Variants in MEGF11 observed in about 807,000 individuals in gnomAD.
The protein encoded by MEGF11 is multiple EGF like domains 11, also known as multiple epidermal growth factor-like domains protein 11.
In MEGF11, 126 loss-of-function variants were observed where a neutral mutation model predicts 146.6. The observed-to-expected ratio is 0.86, with a 90% CI of 0.74 to 1.00. MEGF11 has a LOEUF of 1.00. Among genes scored for constraint, MEGF11 ranks in the 50% least tolerant of loss-of-function variants. MEGF11 has a pLI of 0.00. For missense variants in MEGF11, 1,509 were observed against 1,521.2 expected (o/e 0.99, Z 0.13); for synonymous variants, 532 against 583.4 (o/e 0.91, Z 1.27).
rs752717874 is a variant in MEGF11 at position 66,123,922 on chromosome 15, G to A, written c.177C>T (p.Asn59=). 10 of 1,613,846 alleles carry A rather than the reference G, an allele frequency of 6.2e-6. No homozygotes were observed. The South Asian group carries it at 6.6e-5, about 11-fold the overall frequency. Residue 59 remains asparagine, a synonymous_variant, in exon 3 of 26, where the codon AAC becomes AAT. Transcript: ENST00000395614. The stretch of plus-strand genomic sequence containing the variant: ...ACCGGTGCCTGGTGCACTTGAACCA[G>A]TTGAGGATGTCTGTGCATCGTGTGT... ...IYYTRCTDIL[N]WFKCTRHRIS... is the part of the protein sequence containing the mutation.
Position 65,916,177 on chromosome 15 carries a change from G to T in MEGF11, c.2315C>A (p.Thr772Lys). 6.3e-7 allele frequency: 1 copy of T among 1,587,344 alleles called. No homozygotes were observed. Among genetic ancestry groups the T allele is most frequent in the African/African-American group, 1.3e-5 (1 of 74,572 alleles). ...DHISGKCTCR[T>K]GFTGQHCEQR... The stretch of plus-strand genomic sequence containing the variant: ...CTCACAGTGTTGCCCGGTGAAGCCT[G>T]TGCGGCAGGTGCACTTGCCACTGAT... The change falls in exon 18 of 26, where the codon ACA (threonine) becomes AAA (lysine). Residue 772 changes from threonine to lysine, a missense_variant. Transcript: ENST00000395614.
intron 13 of MEGF11, among the ~76,000 whole-genome samples, chr15:65,924,782 C>A (rs745670029): frequency 6.6e-6 from 1 of 152,092 alleles, no homozygotes; most frequent in Non-Finnish European, 1.5e-5. Context: ...TAAGCCACCA[C>A]CACAGCTGGC....
intron 9 of MEGF11, among the ~76,000 whole-genome samples, chr15:65,960,029 T>TA (rs2080801841): frequency 6.6e-6 from 1 of 152,224 alleles, no homozygotes; most frequent in African/African-American, 2.4e-5. Context: ...TGTTTAATGA[T>TA]ATAAGGTCAA....
intron 1 of MEGF11, among the ~76,000 whole-genome samples, chr15:66,179,540 G>T (rs565146601): frequency 6.6e-6 from 1 of 152,114 alleles, no homozygotes; most frequent in South Asian, 2.1e-4. Flanking sequence ...GTGAAGCTCT[G>T]AATCTCCATT....
intron 10 of MEGF11, among the ~76,000 whole-genome samples, chr15:65,956,278 T>A (rs2080635223): frequency 6.6e-6 from 1 of 152,162 alleles, no homozygotes; most frequent in Non-Finnish European, 1.5e-5. Context: ...ACTTGGGAGC[T>A]TGTTAGAAAT....
intron 5 of MEGF11, among the ~76,000 whole-genome samples, chr15:66,069,528 G>A (rs970307718): frequency 9.2e-5 from 14 of 152,166 alleles, no homozygotes; most frequent in Admixed American, 7.9e-4. Flanking sequence ...AGGTAAAGAA[G>A]GTCATATTAC....
At chr15:66,157,524 G>T (rs1224838870) in intron 1 of MEGF11, among the ~76,000 whole-genome samples, 1 of 152,134 alleles carries the variant, frequency 6.6e-6, no homozygotes, top group Non-Finnish European at 1.5e-5. Flanking sequence ...AAGGCTTTGT[G>T]CCAGGTATTC....
chr15:65,902,333 A>G (rs758998284), intron 24 of MEGF11: 2 of 152,432 alleles, frequency 1.3e-5, no homozygotes, highest in African/African-American at 2.4e-5. Context: ...GGGAGGGGCT[A>G]AGCTCAGGGG....
At chr15:66,120,279 C>T (rs1041728326) in intron 3 of MEGF11, among the ~76,000 whole-genome samples, 5 of 152,180 alleles carry the variant, frequency 3.3e-5, no homozygotes, top group Non-Finnish European at 7.3e-5. Flanking sequence ...CTTCTTCACA[C>T]GGACAGTCAA....
intron 1 of MEGF11, among the ~76,000 whole-genome samples, chr15:66,173,843 G>A (rs1210441897): frequency 6.6e-6 from 1 of 152,214 alleles, no homozygotes; most frequent in Non-Finnish European, 1.5e-5. Context: ...TTCCTGCAGA[G>A]ACCACCCTTG....
intron 24 of MEGF11, among the ~76,000 whole-genome samples, chr15:65,901,079 A>G (rs576440032): frequency 5.8e-4 from 89 of 152,336 alleles, no homozygotes; most frequent in Non-Finnish European, 9.3e-4. Context: ...CTTCATTTCT[A>G]CATAGCTGCT....
rs547492338 is a variant in MEGF11 at position 66,170,945 on chromosome 15, C to T, written c.-8-42534G>A. 2.0e-4 allele frequency among the ~76,000 whole-genome samples: 31 copies of T among 152,300 alleles called. 1 individual carries two copies. In the South Asian group the frequency reaches 5.6e-3, roughly 28 times the overall value. On this transcript the variant is annotated intron_variant, in intron 1 of 25. Coordinates refer to ENST00000395614, the MANE Select transcript of MEGF11 (RefSeq NM_001385028.1). ...CAGCTCAGGCTCCAAAGCCCTGCCC[C>T]GGGGGACCACCAAAGGTGGACTTGA...
chr15:65,912,228 C>T, intron 20 of MEGF11, 28 bp from the exon 21 acceptor site: 1 of 1,194,942 alleles, frequency 8.4e-7, no homozygotes, highest in Non-Finnish European at 1.0e-6. Context: ...TGCCACATAC[C>T]ATCATACCCC....
chr15:65,930,464 G>A (rs573676072), intron 11 of MEGF11, among the ~76,000 whole-genome samples: 4 of 152,178 alleles, frequency 2.6e-5, no homozygotes, highest in East Asian at 1.9e-4. Flanking sequence ...CTCTCTCCAC[G>A]TCCCACCTCT....
intron 1 of MEGF11, among the ~76,000 whole-genome samples, chr15:66,158,580 G>A (rs998037666): frequency 6.6e-6 from 1 of 152,252 alleles, no homozygotes; most frequent in Admixed American, 6.5e-5. Context: ...GGGGTTGCAT[G>A]GAGGATCCAG....
chr15:65,970,347 G>C (rs2081261816), intron 8 of MEGF11, among the ~76,000 whole-genome samples: 1 of 152,150 alleles, frequency 6.6e-6, no homozygotes, highest in Non-Finnish European at 1.5e-5. Flanking sequence ...CAGGGCTTGG[G>C]CCACTAGGCT....
At chr15:66,011,705 C>T (rs532224431) in intron 5 of MEGF11, among the ~76,000 whole-genome samples, 6 of 134,290 alleles carry the variant, frequency 4.5e-5, no homozygotes, top group African/African-American at 1.6e-4. Flanking sequence ...GAGAATGGAC[C>T]CCCAGGGAAT....
At chr15:65,910,605 C>A (rs1380090393) in intron 21 of MEGF11, among the ~76,000 whole-genome samples, 1 of 152,154 alleles carries the variant, frequency 6.6e-6, no homozygotes, top group Non-Finnish European at 1.5e-5. Context: ...GGCTACTCTG[C>A]AGTAATTCCA....
intron 1 of MEGF11, among the ~76,000 whole-genome samples, chr15:66,146,093 A>G (rs1186595684): frequency 2.6e-5 from 4 of 152,194 alleles, no homozygotes; most frequent in Admixed American, 1.3e-4. Flanking sequence ...TTGCTGGGTG[A>G]TTTTGGGAAA....
Sources: allele counts gnomAD v4.1 joint callset (sites outside exome capture counted in the v4.1 genomes callset), GRCh38; gene constraint gnomAD v4.1.1; transcripts MANE v1.5; gene names NCBI Gene and HGNC (gene_info 2026-07-23, HGNC 2026-07-21).